Variants in TMEM207 observed in about 807,000 individuals in gnomAD.
The protein encoded by TMEM207 is transmembrane protein 207, also known as SRSR846.
TMEM207 carries 15 observed loss-of-function variants against 17.4 expected under a neutral mutation model. The observed-to-expected ratio is 0.86, with a 90% confidence interval of 0.58 to 1.33. The LOEUF (loss-of-function observed/expected upper bound fraction) is 1.33, where lower values mean the gene tolerates loss of function less well. Ranked by LOEUF, TMEM207 falls within the 40% of genes most tolerant of loss-of-function variation. The pLI, the probability that TMEM207 is intolerant of heterozygous loss-of-function variation, is 0.00. For synonymous variants in TMEM207, 70 were observed against 65.6 expected, an observed-to-expected ratio of 1.07 and a Z score of -0.33; for missense variants, 205 against 173.8, an observed-to-expected ratio of 1.18 and a Z score of -1.01.
intron 4 of TMEM207, among the ~76,000 whole-genome samples, chr3:190,438,114 G>A (rs1235586527): frequency 9.9e-6 from 1 of 100,980 alleles, no homozygotes; most frequent in Non-Finnish European, 1.9e-5. Context: ...GGGGAGGGGG[G>A]AGGGATAGCA....
At chr3:190,447,911 G>T in intron 1 of TMEM207, 84 bp from the exon 2 acceptor site, 3 of 1,283,544 alleles carry the variant, frequency 2.3e-6, no homozygotes, top group South Asian at 1.5e-5. Flanking sequence ...AGACAATGTG[G>T]GTTTATATCA....
rs143469375 is a variant in TMEM207, at chr3:190,441,945, C to T, written c.114-463G>A. On this transcript the variant is annotated intron_variant, in intron 2 of 4. Transcript: ENST00000354905. ...AGGAGGCATTGGACAACTGTTTGCC[C>T]TCTTGTTATACAATTGGTGAGGAAA... Among the ~76,000 whole-genome samples the T allele has an allele frequency of 2.2e-4, 34 of 152,276 alleles. 2 individuals are homozygous for T. In the East Asian group the frequency reaches 6.2e-3, roughly 28 times the overall value.
chr3:190,436,514 C>T (rs932753392), intron 4 of TMEM207, among the ~76,000 whole-genome samples: 4 of 152,202 alleles, frequency 2.6e-5, no homozygotes, highest in Admixed American at 6.5e-5. Flanking sequence ...CTCAGTTCTC[C>T]GCTGTGAGCA....
Position 190,429,612 on chromosome 3 carries a change from T to C in TMEM207, c.424A>G (p.Ile142Val). 1 of 1,613,514 alleles carries C rather than the reference T, an allele frequency of 6.2e-7. No individual in the cohort carries two copies. Among genetic ancestry groups the C allele is most frequent in the Non-Finnish European group, 8.5e-7 (1 of 1,179,616 alleles). Residue 142 changes from isoleucine (I) to valine (V), a missense_variant, in exon 5 of 5, where the codon ATT (isoleucine) becomes GTT (valine). Physicochemically the swap from Ile to Val is conservative, Grantham distance 29. Coordinates refer to ENST00000354905, the MANE Select transcript of TMEM207 (RefSeq NM_207316.3). ...PLGSPPPYEE[I>V]VKTT ...ACCTAAAATCAGGTTGTTTTTACAA[T>C]TTCTTCATATGGAGGTGGGGAGCCT...
chr3:190,431,784 T>C (rs1719696569), intron 4 of TMEM207, among the ~76,000 whole-genome samples: 1 of 152,204 alleles, frequency 6.6e-6, no homozygotes, highest in African/African-American at 2.4e-5. Flanking sequence ...CGATTGCCAC[T>C]GTCTATATTG....
chr3:190,439,751 T>C (rs1035609234), intron 4 of TMEM207, among the ~76,000 whole-genome samples: 1 of 152,164 alleles, frequency 6.6e-6, no homozygotes, highest in Admixed American at 6.5e-5. Context: ...GCATGAAAAT[T>C]GACATTCCCC....
Position 190,429,663 on chromosome 3 carries a change from C to T in TMEM207, c.373G>A (p.Val125Ile), listed in dbSNP as rs753852933. 2 of 1,613,420 alleles carry T rather than the reference C, an allele frequency of 1.2e-6. No homozygotes were observed. The highest frequency in any genetic ancestry group is 1.1e-5 in the South Asian group (1 of 91,046). The change falls in exon 5 of 5, where the codon GTT (valine) becomes ATT (isoleucine). Residue 125 changes from valine (V) to isoleucine (I), a missense_variant. By Grantham distance (29) the Val-to-Ile change is conservative (BLOSUM62 3). Coordinates refer to ENST00000354905, the MANE Select transcript of TMEM207 (RefSeq NM_207316.3). ...AAAGGGCCAAAACATGGAGCAGGAA[C>T]AGGATATAGGTCAGGGGTTTGAGTT... ...LQTQTPDLYP[V>I]PAPCFGPLGS...
In TMEM207 at chr3:190,429,418, A is replaced by G. The variant is rs551104653; in HGVS notation, c.*177T>C. ...TCAAAAGCCTGCTACTTTACTATTT[A>G]AACATCTCCATGACCAAAATTTTTT... On this transcript the variant is annotated 3_prime_UTR_variant, in exon 5 of 5. Transcript: ENST00000354905. 150 of 734,794 alleles carry G rather than the reference A, an allele frequency of 2.0e-4. No homozygotes were observed. The highest frequency in any genetic ancestry group is 4.0e-4 in the Admixed American group (13 of 32,756). The allele number at this position is 734,794 out of a possible 1,614,324, so 45.5% of individuals were successfully genotyped here.
intron 4 of TMEM207, 22 bp from the exon 5 acceptor site, chr3:190,429,753 C>A (rs1484867409): frequency 1.3e-6 from 2 of 1,575,892 alleles, no homozygotes; most frequent in Non-Finnish European, 1.7e-6. Flanking sequence ...AAGATGAAGA[C>A]TTGTAATCTT....
rs114265464 is a variant in TMEM207, at chr3:190,437,293, C to A, written c.304+2951G>T. Among the ~76,000 whole-genome samples, 1,315 of 152,190 alleles carry A rather than the reference C, an allele frequency of 8.6e-3. 25 individuals are homozygous for A. Among genetic ancestry groups the A allele is most frequent in the African/African-American group, 0.031 (1,274 of 41,510 alleles). On this transcript the variant is annotated intron_variant, in intron 4 of 4. Transcript: ENST00000354905. ...CAGGGATGGGCTGGGCTGTGAGTGA[C>A]CAGCCCATATTTTCACTGGTTCCCT...
chr3:190,435,023 TCTC>T (rs887447136), intron 4 of TMEM207, among the ~76,000 whole-genome samples: 1 of 152,208 alleles, frequency 6.6e-6, no homozygotes, highest in African/African-American at 2.4e-5. Flanking sequence ...CTCTGCATCT[TCTC>T]CTTCTCTGCC....
chr3:190,432,935 G>A (rs1719721874), intron 4 of TMEM207, among the ~76,000 whole-genome samples: 2 of 152,082 alleles, frequency 1.3e-5, no homozygotes, highest in Non-Finnish European at 2.9e-5. Flanking sequence ...GTGTCACCTC[G>A]GGCTTCACCT....
In TMEM207 at chr3:190,441,443, A is replaced by G. The variant is rs1305338979; in HGVS notation, c.153T>C (p.Tyr51=). The G allele has an allele frequency of 1.2e-6, 2 of 1,611,046 alleles. No individual in the cohort carries two copies. Among genetic ancestry groups the G allele is most frequent in the African/African-American group, 2.7e-5 (2 of 74,864 alleles). ...NYNDQHPNGW[Y]IWILLLLVLV... is the part of the protein sequence containing the mutation. ...CAAATGGAAGATATCCTTACCAGAT[A>G]TACCAGCCATTAGGGTGTTGGTCAT... Residue 51 remains tyrosine (Y), a synonymous_variant, in exon 3 of 5, where the codon TAT becomes TAC. Transcript: ENST00000354905.
chr3:190,444,156 T>C (rs1719995799), intron 2 of TMEM207, among the ~76,000 whole-genome samples: 3 of 152,218 alleles, frequency 2.0e-5, no homozygotes, highest in Admixed American at 1.3e-4. Context: ...CAGCATTTTC[T>C]AGGGCAGACA....
intron 4 of TMEM207, among the ~76,000 whole-genome samples, chr3:190,435,991 C>A (rs753128504): frequency 6.6e-6 from 1 of 152,182 alleles, no homozygotes; most frequent in Non-Finnish European, 1.5e-5. Context: ...GAAAGAAATT[C>A]TCTATTTTAT....
At chr3:190,441,276 T>C (rs1719931191) in intron 3 of TMEM207, among the ~76,000 whole-genome samples, 162 bp downstream of exon 3, 1 of 152,202 alleles carries the variant, frequency 6.6e-6, no homozygotes, top group African/African-American at 2.4e-5. Context: ...AGTGTTTAAG[T>C]AAACATTGGC....
At chr3:190,438,051 G>A (rs1195847267) in intron 4 of TMEM207, among the ~76,000 whole-genome samples, 2 of 133,626 alleles carry the variant, frequency 1.5e-5, no homozygotes, top group African/African-American at 5.7e-5. Context: ...TGAACAATGA[G>A]AACACATGGA....
chr3:190,444,518 A>T (rs1018021241), intron 2 of TMEM207: 1 of 833,070 alleles, frequency 1.2e-6, no homozygotes, highest in Non-Finnish European at 1.4e-6. Flanking sequence ...AAAAAAAAAA[A>T]TAGAAATGAG....
chr3:190,442,768 A>G (rs1719961632), intron 2 of TMEM207, among the ~76,000 whole-genome samples: 1 of 152,232 alleles, frequency 6.6e-6, no homozygotes, highest in Non-Finnish European at 1.5e-5. Context: ...TTAATGGGAC[A>G]TACTTACAAG....
Sources: allele counts gnomAD v4.1 joint callset (sites outside exome capture counted in the v4.1 genomes callset), GRCh38; gene constraint gnomAD v4.1.1; transcripts MANE v1.5; gene names NCBI Gene and HGNC (gene_info 2026-07-23, HGNC 2026-07-21).